CDH2: variants seen among roughly 807,000 people sequenced by gnomAD.
CDH2 encodes cadherin 2, also known as cadherin-2.
CDH2 carries 17 observed loss-of-function variants against 92.0 expected under a neutral mutation model. The ratio of observed to expected loss-of-function variants is 0.18; its 90% CI spans 0.13 to 0.28. The LOEUF is 0.28. Among genes scored for constraint, CDH2 ranks in the 10% least tolerant of loss-of-function variants. The pLI is 1.00. For missense variants in CDH2, 862 were observed against 1,133.1 expected (o/e 0.76, Z 3.44); for synonymous variants, 419 against 415.9 (o/e 1.01, Z -0.09).
At chr18:28,118,786 G>T (rs2015538693) in intron 2 of CDH2, among the ~76,000 whole-genome samples, 1 of 151,954 alleles carries the variant, frequency 6.6e-6, no homozygotes, top group Non-Finnish European at 1.5e-5. Flanking sequence ...TATTAAGATT[G>T]TTCATTCTAA....
intron 6 of CDH2, among the ~76,000 whole-genome samples, chr18:27,933,358 T>C (rs865805798): frequency 3.9e-5 from 6 of 152,148 alleles, no homozygotes; most frequent in Non-Finnish European, 8.8e-5. Flanking sequence ...CCGGCCTTTA[T>C]GGAAATAGGT....
chr18:27,978,458 A>T (rs763673069), intron 14 of CDH2, among the ~76,000 whole-genome samples: 1 of 152,234 alleles, frequency 6.6e-6, no homozygotes, highest in Non-Finnish European at 1.5e-5. Flanking sequence ...AGTGGTAAAC[A>T]TCATCTTTTT....
At chr18:28,107,803 A>G (rs1442798182) in intron 2 of CDH2, among the ~76,000 whole-genome samples, 1 of 152,140 alleles carries the variant, frequency 6.6e-6, no homozygotes, top group Non-Finnish European at 1.5e-5. Flanking sequence ...AAAAGGAATC[A>G]GGTGAAGACT....
intron 1 of CDH2, among the ~76,000 whole-genome samples, chr18:28,160,573 T>C (rs2016292172): frequency 6.6e-6 from 1 of 152,140 alleles, no homozygotes; most frequent in Admixed American, 6.5e-5. Flanking sequence ...GGATGGCCTT[T>C]ACAAGTGAAC....
At chr18:27,936,327 G>T (rs1179919420) in intron 6 of CDH2, among the ~76,000 whole-genome samples, 1 of 152,142 alleles carries the variant, frequency 6.6e-6, no homozygotes, top group Admixed American at 6.5e-5. Flanking sequence ...ATGCCATGGT[G>T]CATATTCATG....
intron 1 of CDH2, among the ~76,000 whole-genome samples, chr18:28,151,744 G>C (rs1293084278): frequency 3.3e-5 from 5 of 152,220 alleles, no homozygotes; most frequent in African/African-American, 1.2e-4. Flanking sequence ...GTGGGTATGA[G>C]GAGGAGGTTG....
Position 27,985,238 on chromosome 18 carries a change from A to G in CDH2, c.1976-5T>C, listed in dbSNP as rs1395364249. On this transcript the variant is annotated splice_polypyrimidine_tract_variant and splice_region_variant and intron_variant, in intron 12 of 15. Coordinates refer to ENST00000269141, the MANE Select transcript of CDH2 (RefSeq NM_001792.5). ...AATTAAGCTGAGCAAAATCACCTAT[A>G]TGAAAAAGGAAAAACATAGTTTGAT... 6.6e-7 allele frequency: 1 copy of G among 1,520,886 alleles called. No homozygotes were observed. Among genetic ancestry groups the G allele is most frequent in the Admixed American group, 1.7e-5 (1 of 59,410 alleles). 94.2% of individuals were successfully genotyped at this position (1,520,886 alleles called of 1,614,324 possible). A position where few individuals can be genotyped will look rare whatever the true frequency, so the allele number is the denominator to read the frequency against.
At chr18:28,166,149 CATATATATATATAT>C (rs35562216) in intron 1 of CDH2, among the ~76,000 whole-genome samples, 13 of 59,278 alleles carry the variant, frequency 2.2e-4, no homozygotes, top group East Asian at 1.5e-3. Flanking sequence ...CAGACACACT[CATATATATATATAT>C]ATATATATAT....
At chr18:28,153,796 T>G (rs745676875) in intron 1 of CDH2, among the ~76,000 whole-genome samples, 18 of 152,206 alleles carry the variant, frequency 1.2e-4, no homozygotes, top group Non-Finnish European at 2.4e-4. Context: ...TGGCACATGG[T>G]TATTCAATGT....
At chr18:27,961,699 A>C (rs1337858112) in intron 15 of CDH2, among the ~76,000 whole-genome samples, 1 of 152,206 alleles carries the variant, frequency 6.6e-6, no homozygotes, top group African/African-American at 2.4e-5. Flanking sequence ...AAAGAAGAGT[A>C]TCAGGGATGG....
intron 2 of CDH2, among the ~76,000 whole-genome samples, chr18:28,016,037 G>T (rs1010498072): frequency 3.9e-5 from 6 of 152,140 alleles, no homozygotes; most frequent in Non-Finnish European, 7.3e-5. Flanking sequence ...AAGCCCTAGG[G>T]CCAGGTCATC....
At chr18:28,076,280 G>C (rs1599081579) in intron 2 of CDH2, among the ~76,000 whole-genome samples, 1 of 152,026 alleles carries the variant, frequency 6.6e-6, no homozygotes, top group East Asian at 1.9e-4. Context: ...TGTCTTGTTT[G>C]TTGCACAATC....
intron 2 of CDH2, among the ~76,000 whole-genome samples, chr18:28,024,886 T>A (rs2013508789): frequency 2.0e-5 from 3 of 149,692 alleles, no homozygotes; most frequent in South Asian, 2.1e-4. Context: ...AAAGAAAGAG[T>A]AAAAAGAAAA....
intron 14 of CDH2, among the ~76,000 whole-genome samples, chr18:27,971,652 G>C (rs759965691): frequency 1.2e-4 from 18 of 152,158 alleles, no homozygotes; most frequent in Admixed American, 2.6e-4. Flanking sequence ...TGCAAAAAGG[G>C]AATGACAATG....
intron 15 of CDH2, among the ~76,000 whole-genome samples, chr18:27,955,636 T>C (rs2143862464): frequency 6.6e-6 from 1 of 152,068 alleles, no homozygotes; most frequent in Non-Finnish European, 1.5e-5. Context: ...ATATAATGCT[T>C]GTGATAATCA....
Position 27,984,989 on chromosome 18 carries a change from A to G in CDH2, c.2209+11T>C, listed in dbSNP as rs202141743. ...GAGAACTGAAATCTAAAAGACAATA[A>G]AAGTACTCACTAAGCAGGATGATGA... On this transcript the variant is annotated intron_variant, in intron 13 of 15. Transcript: ENST00000269141. 68 of 1,597,246 alleles carry G rather than the reference A, an allele frequency of 4.3e-5. No individual in the cohort carries two copies. Among genetic ancestry groups the G allele is most frequent in the Non-Finnish European group, 5.6e-5 (65 of 1,164,796 alleles).
chr18:28,112,702 A>G (rs2015432471), intron 2 of CDH2, among the ~76,000 whole-genome samples: 2 of 151,938 alleles, frequency 1.3e-5, no homozygotes, highest in Admixed American at 1.3e-4. Context: ...AGGAAAAGAG[A>G]AAAACAACAA....
chr18:27,934,715 TTAAC>T (rs67357072), intron 6 of CDH2, among the ~76,000 whole-genome samples: 59,557 of 151,620 alleles, frequency 0.39, 12,853 homozygotes, highest in Middle Eastern at 0.54. Context: ...ATTAATTAAA[TTAAC>T]TAATCAATTA....
chr18:28,012,930 A>T (rs1215408706), intron 3 of CDH2, among the ~76,000 whole-genome samples: 1 of 152,202 alleles, frequency 6.6e-6, no homozygotes, highest in Non-Finnish European at 1.5e-5. Context: ...TAAAAAAAGT[A>T]GTAGTCATAG....
Sources: gnomAD v4.1 joint callset for allele counts (sites outside exome capture counted in the v4.1 genomes callset) on GRCh38, gnomAD v4.1.1 for gene constraint, MANE v1.5 for transcripts, NCBI Gene and HGNC (gene_info 2026-07-23, HGNC 2026-07-21) for gene names.